MINDY4: variants seen among roughly 807,000 people sequenced by gnomAD.
MINDY4 encodes MINDY lysine 48 deubiquitinase 4.
A neutral mutation model predicts 87.0 loss-of-function variants in MINDY4; 68 were observed. The observed-to-expected ratio is 0.78, with a 90% confidence interval of 0.64 to 0.96. MINDY4 has a LOEUF of 0.96. Among genes scored for constraint, MINDY4 ranks in the 40% least tolerant of loss-of-function variants. MINDY4 has a pLI of 0.00. For synonymous variants in MINDY4, 379 were observed against 363.2 expected (o/e 1.04, Z -0.50); for missense variants, 919 against 928.2 (o/e 0.99, Z 0.13).
chr7:30,850,974 G>A (rs1338752648), intron 10 of MINDY4, among the ~76,000 whole-genome samples: 3 of 152,224 alleles, frequency 2.0e-5, no homozygotes, highest in Non-Finnish European at 4.4e-5. Context: ...AAAGCACACT[G>A]CCATTTGCTC....
intron 5 of MINDY4, among the ~76,000 whole-genome samples, chr7:30,805,244 C>T (rs928991875): frequency 6.6e-6 from 1 of 152,096 alleles, no homozygotes; most frequent in Non-Finnish European, 1.5e-5. Flanking sequence ...GAGGACGAGG[C>T]AGTCAAGGAG....
chr7:30,867,308 G>T (rs751161356), intron 13 of MINDY4, among the ~76,000 whole-genome samples: 10 of 152,322 alleles, frequency 6.6e-5, no homozygotes, highest in South Asian at 4.1e-4. Flanking sequence ...GTTCTTGGCC[G>T]TGATATGAGT....
intron 8 of MINDY4, 102 bp downstream of exon 8, chr7:30,839,418 G>C (rs1289622945): frequency 1.5e-6 from 1 of 680,402 alleles, no homozygotes; most frequent in African/African-American, 1.8e-5. Flanking sequence ...CATTAGCTGA[G>C]CTATTCTGGA....
chr7:30,873,894 A>G (rs966941777), intron 14 of MINDY4, among the ~76,000 whole-genome samples: 5 of 152,154 alleles, frequency 3.3e-5, no homozygotes, highest in Non-Finnish European at 5.9e-5. Flanking sequence ...CTTGTGTCTC[A>G]TTTCCTCTAC....
intron 5 of MINDY4, among the ~76,000 whole-genome samples, chr7:30,825,158 CATT>C (rs1230992965): frequency 5.9e-5 from 9 of 152,204 alleles, no homozygotes; most frequent in Non-Finnish European, 1.2e-4. Flanking sequence ...ATCTTTTTGT[CATT>C]GTTGTTCAGA....
intron 5 of MINDY4, among the ~76,000 whole-genome samples, chr7:30,824,355 G>C (rs1788433224): frequency 1.3e-5 from 2 of 152,222 alleles, no homozygotes; most frequent in African/African-American, 4.8e-5. Flanking sequence ...ATTCATGAGG[G>C]CAAAGCACTC....
intron 17 of MINDY4, among the ~76,000 whole-genome samples, chr7:30,885,128 C>T (rs73304002): frequency 0.013 from 2,046 of 152,348 alleles, 41 homozygotes; most frequent in African/African-American, 0.046. Flanking sequence ...ATTTGTGTAG[C>T]ACACAGGGGC....
chr7:30,805,936 G>A lies in MINDY4; in HGVS notation c.1073+14362G>A, dbSNP rs150087881. On this transcript the variant is annotated intron_variant, in intron 5 of 17. Transcript: ENST00000265299. Reference sequence around the variant, plus strand: ...AGAAATTCACCATTCACAGAGGCAGGGTGCACGGGCTTGGGTGGGGCCCGG... The same window carrying A: ...AGAAATTCACCATTCACAGAGGCAGAGTGCACGGGCTTGGGTGGGGCCCGG... Among the ~76,000 whole-genome samples the A allele has an allele frequency of 8.9e-4, 135 of 152,314 alleles. 1 individual carries two copies. Among genetic ancestry groups the A allele is most frequent in the African/African-American group, 2.9e-3 (122 of 41,562 alleles).
At chr7:30,883,758 G>C (rs957384255) in intron 17 of MINDY4, among the ~76,000 whole-genome samples, 5 of 152,174 alleles carry the variant, frequency 3.3e-5, no homozygotes, top group Admixed American at 1.3e-4. Context: ...GAGCAGCCCG[G>C]GAGGGAGAGG....
intron 2 of MINDY4, 124 bp from the exon 3 acceptor site, chr7:30,781,853 T>C: frequency 1.5e-6 from 1 of 681,220 alleles, no homozygotes; most frequent in Non-Finnish European, 2.5e-6. Context: ...AAATGTTGGC[T>C]GAAAGCTTGT....
intron 1 of MINDY4, among the ~76,000 whole-genome samples, chr7:30,771,871 C>A (rs1786648691): frequency 6.6e-6 from 1 of 152,232 alleles, no homozygotes; most frequent in Non-Finnish European, 1.5e-5. Context: ...GCAATCCTAG[C>A]GCGGGCGCAC....
chr7:30,780,028 A>G (rs1036949552), intron 2 of MINDY4: 2 of 152,226 alleles, frequency 1.3e-5, no homozygotes, highest in African/African-American at 4.8e-5. Flanking sequence ...GTTGCCAGAA[A>G]TTCTCTTGCT....
chr7:30,787,668 T>A (rs1040778563), intron 4 of MINDY4, among the ~76,000 whole-genome samples: 10 of 152,210 alleles, frequency 6.6e-5, no homozygotes, highest in African/African-American at 2.4e-4. Context: ...CTTCCATTAG[T>A]CAGAGCCACC....
At chr7:30,840,950 T>G in intron 9 of MINDY4, 102 bp downstream of exon 9, 2 of 1,044,974 alleles carry the variant, frequency 1.9e-6, no homozygotes, top group Non-Finnish European at 2.8e-6. Context: ...TGATATTTCC[T>G]GTCTTCTGCA....
intron 15 of MINDY4, among the ~76,000 whole-genome samples, chr7:30,880,311 C>CA (rs1554285918): frequency 3.3e-5 from 5 of 149,362 alleles, no homozygotes; most frequent in African/African-American, 1.0e-4. Context: ...CACCCCCCCC[C>CA]ACCCCCGACT....
chr7:30,794,775 G>T (rs1005856030), intron 5 of MINDY4, among the ~76,000 whole-genome samples: 6 of 152,168 alleles, frequency 3.9e-5, no homozygotes, highest in Non-Finnish European at 7.4e-5. Context: ...GGCTGCCCTT[G>T]TTGGGTTCCT....
intron 13 of MINDY4, among the ~76,000 whole-genome samples, chr7:30,861,616 G>A (rs1789770154): frequency 6.6e-6 from 1 of 152,276 alleles, no homozygotes; most frequent in Non-Finnish European, 1.5e-5. Flanking sequence ...TAGAGCTGGA[G>A]TTTCTTCCTC....
At chr7:30,854,862 A>G (rs1340625224) in intron 12 of MINDY4, among the ~76,000 whole-genome samples, 1 of 152,224 alleles carries the variant, frequency 6.6e-6, no homozygotes, top group African/African-American at 2.4e-5. Context: ...GGGGCAATCC[A>G]CCTGAAGTGC....
At chr7:30,828,596 A>G (rs1788592109) in intron 5 of MINDY4, 83 bp from the exon 6 acceptor site, 9 of 1,392,802 alleles carry the variant, frequency 6.5e-6, no homozygotes, top group South Asian at 2.3e-5. Context: ...CTGAATGCCT[A>G]TCCATCGCTC....
Sources: allele counts gnomAD v4.1 joint callset (sites outside exome capture counted in the v4.1 genomes callset), GRCh38; gene constraint gnomAD v4.1.1; transcripts MANE v1.5; gene names NCBI Gene and HGNC (gene_info 2026-07-23, HGNC 2026-07-21).